C3orf22: variants seen among roughly 807,000 people sequenced by gnomAD.
C3orf22 encodes uncharacterized protein C3orf22.
Under a neutral mutation model 10.8 loss-of-function variants are expected in C3orf22, and 7 were observed. That is an observed-to-expected ratio of 0.65 (90% CI 0.37 to 1.22). The LOEUF is 1.22. C3orf22 is among the 50% of genes most tolerant of loss of function. C3orf22 has a pLI of 0.02. For missense variants in C3orf22, 173 were observed against 177.0 expected, an observed-to-expected ratio of 0.98 and a Z score of 0.13; for synonymous variants, 79 against 78.9, an observed-to-expected ratio of 1.00 and a Z score of 0.00.
intron 4 of C3orf22, chr3:126,542,797 G>C (rs1201737732): frequency 3.2e-5 from 17 of 535,040 alleles, no homozygotes; most frequent in Non-Finnish European, 5.0e-5. Flanking sequence ...TGTCGCCTGA[G>C]GCCTGCTTCC....
Position 126,553,251 on chromosome 3 carries a change from G to T in C3orf22, c.89+51C>A, listed in dbSNP as rs191291384. 1,735 of 1,300,864 alleles carry T rather than the reference G, an allele frequency of 1.3e-3. 10 individuals are homozygous for T. In the Middle Eastern group the frequency reaches 0.017, roughly 13 times the overall value. 80.6% of individuals were successfully genotyped at this position (1,300,864 alleles called of 1,614,324 possible). ...TGCATTTGAGTTCCCAGGATGCTGGGGTGACCTGGGGGAGGCAGGGCTTGT... is the reference window on the plus strand; with the variant it reads ...TGCATTTGAGTTCCCAGGATGCTGGTGTGACCTGGGGGAGGCAGGGCTTGT... On this transcript the variant is annotated intron_variant, in intron 2 of 3. Coordinates refer to ENST00000318225, the MANE Select transcript of C3orf22 (RefSeq NM_152533.3).
intron 4 of C3orf22, chr3:126,536,361 G>A: frequency 6.2e-7 from 1 of 1,611,062 alleles, no homozygotes. Flanking sequence ...CAGGTAGGTG[G>A]ACAGACCCTC....
rs572110646 is a variant in C3orf22 at position 126,538,668 on chromosome 3, C to T, written c.287-9296G>A. Among the ~76,000 whole-genome samples, 362 of 152,268 alleles carry T rather than the reference C, an allele frequency of 2.4e-3. 1 individual carries two copies. Among genetic ancestry groups the T allele is most frequent in the Non-Finnish European group, 3.7e-3 (251 of 68,006 alleles). ...GAAAGCAGACCTTGGCTGTGGGCCC[C>T]GGGGGCACAGCCTCTCCTGGCACCA... On this transcript the variant is annotated intron_variant and NMD_transcript_variant, in intron 4 of 5. Transcript: ENST00000505070.
chr3:126,547,544 C>A (rs1292281604), downstream of C3orf22, among the ~76,000 whole-genome samples: 1 of 152,180 alleles, frequency 6.6e-6, no homozygotes, highest in East Asian at 1.9e-4. Flanking sequence ...TAATGAGTTA[C>A]CAACTTTTTC....
intron 2 of C3orf22, 115 bp from the exon 3 acceptor site, chr3:126,552,237 T>C: frequency 6.7e-7 from 1 of 1,482,546 alleles, no homozygotes. Flanking sequence ...TTCACAAATA[T>C]TAGCCCATAT....
chr3:126,542,642 C>T (rs1034632198), intron 4 of C3orf22: 4 of 1,403,522 alleles, frequency 2.8e-6, no homozygotes, highest in Non-Finnish European at 3.7e-6. Context: ...CCGGGGAATG[C>T]AGGTGCTGCC....
chr3:126,535,897 G>A (rs150812676), intron 4 of C3orf22, among the ~76,000 whole-genome samples: 1 of 152,242 alleles, frequency 6.6e-6, no homozygotes, highest in Non-Finnish European at 1.5e-5. Context: ...AGCCAGCCTG[G>A]TGAACCCCAC....
chr3:126,530,225 C>T (rs1475022013), intron 4 of C3orf22, among the ~76,000 whole-genome samples: 2 of 152,248 alleles, frequency 1.3e-5, no homozygotes, highest in Non-Finnish European at 2.9e-5. Flanking sequence ...GCGGCCCAGC[C>T]CTGTAATCAC....
rs750107811 is a variant in C3orf22, at chr3:126,549,932, C to T, written c.362G>A (p.Arg121Gln). 1.4e-5 allele frequency: 23 copies of T among 1,614,094 alleles called. No individual in the cohort carries two copies. The highest frequency in any genetic ancestry group is 6.7e-5 in the Admixed American group (4 of 60,020). ...PRQLAFLLST[R>Q]HTEAACPQTS... ...CTGGGGGCAGGCAGCCTCAGTGTGC[C>T]GGGTGGACAGCAGGAAGGCGAGTTG... Residue 121 changes from arginine (R) to glutamine (Q), a missense_variant, in exon 4 of 4, where the codon CGG becomes CAG. Physicochemically the swap from Arg to Gln is conservative, Grantham distance 43 (BLOSUM62 1). Transcript: ENST00000318225.
At chr3:126,550,258 C>T (rs533218924) in intron 3 of C3orf22, among the ~76,000 whole-genome samples, 180 bp from the exon 4 acceptor site, 12 of 152,138 alleles carry the variant, frequency 7.9e-5, no homozygotes, top group African/African-American at 2.9e-4. Flanking sequence ...CCCAGGAAGC[C>T]ATGGGGGCAC....
At chr3:126,545,954 C>T (rs73859521), downstream of C3orf22, among the ~76,000 whole-genome samples, 5,591 of 152,228 alleles carry the variant, frequency 0.037, 343 homozygotes, top group African/African-American at 0.12. Context: ...GTGAGCCATT[C>T]ACTTTTCAAG....
chr3:126,529,384 G>T (rs149925364), intron 4 of C3orf22: 2 of 1,289,170 alleles, frequency 1.6e-6, no homozygotes, highest in African/African-American at 1.5e-5. Context: ...TACGGATGCC[G>T]CAAGGGGGGA....
chr3:126,535,033 C>CAG (rs1936742041), intron 4 of C3orf22, among the ~76,000 whole-genome samples: 2 of 21,346 alleles, frequency 9.4e-5, no homozygotes, highest in African/African-American at 1.8e-4. Flanking sequence ...CCAGGAGACA[C>CAG]ACAGCATCGC....
intron 4 of C3orf22, chr3:126,536,423 C>A (rs551179629): frequency 4.2e-5 from 51 of 1,217,658 alleles, no homozygotes; most frequent in Admixed American, 1.4e-4. Flanking sequence ...AGCAACAGTG[C>A]AGACCTGCTG....
At chr3:126,549,650 A>T, downstream of C3orf22, 1 of 1,511,294 alleles carries the variant, frequency 6.6e-7, no homozygotes, top group Non-Finnish European at 8.8e-7. Flanking sequence ...GAGATGAGAA[A>T]ATGAAGGCTC....
At chr3:126,542,177 C>A (rs776688215) in intron 4 of C3orf22, 2 of 1,449,928 alleles carry the variant, frequency 1.4e-6, no homozygotes, top group South Asian at 1.4e-5. Flanking sequence ...TCAGCGCCTG[C>A]GGCCGCGCGC....
intron 4 of C3orf22, among the ~76,000 whole-genome samples, chr3:126,531,071 C>G (rs1936648870): frequency 6.6e-6 from 1 of 152,252 alleles, no homozygotes; most frequent in African/African-American, 2.4e-5. Context: ...TTCCACGAAC[C>G]TCTGTTTATT....
chr3:126,536,413 A>G, intron 4 of C3orf22: 1 of 1,352,168 alleles, frequency 7.4e-7, no homozygotes, highest in Non-Finnish European at 1.1e-6. Flanking sequence ...GGAGCCTGAC[A>G]GCAACAGTGC....
downstream of C3orf22, among the ~76,000 whole-genome samples, chr3:126,549,067 A>T (rs1937118387): frequency 6.6e-6 from 1 of 152,166 alleles, no homozygotes; most frequent in South Asian, 2.1e-4. Context: ...CTTGCTTTAC[A>T]AAGGCATCAC....
Sources: gnomAD v4.1 joint callset for allele counts (sites outside exome capture counted in the v4.1 genomes callset) on GRCh38, gnomAD v4.1.1 for gene constraint, MANE v1.5 for transcripts, NCBI Gene and HGNC (gene_info 2026-07-23, HGNC 2026-07-21) for gene names.